Variants in INTS4 observed in about 807,000 individuals in gnomAD.
INTS4 encodes the protein integrator complex subunit 4.
In INTS4, 70 loss-of-function variants were observed where a neutral mutation model predicts 119.5. That is an observed-to-expected ratio of 0.59 (90% CI 0.48 to 0.71). The LOEUF is 0.71. Ranked by LOEUF, INTS4 falls within the 30% of genes least tolerant of loss-of-function variation. The pLI, the probability that INTS4 is intolerant of heterozygous loss-of-function variation, is 0.00. For synonymous variants in INTS4, 316 were observed against 419.6 expected (o/e 0.75, Z 3.02); for missense variants, 867 against 1,173.2 (o/e 0.74, Z 3.81).
chr11:77,896,589 T>C (rs1212947617), intron 18 of INTS4, among the ~76,000 whole-genome samples: 4 of 146,698 alleles, frequency 2.7e-5, no homozygotes, highest in Admixed American at 2.7e-4. Context: ...GAGGTGGAGG[T>C]TGTGGGGAGC....
intron 4 of INTS4, among the ~76,000 whole-genome samples, chr11:77,966,794 T>A (rs1413518114): frequency 6.6e-6 from 1 of 152,178 alleles, no homozygotes; most frequent in Non-Finnish European, 1.5e-5. Flanking sequence ...CTTTAAAGAT[T>A]TTTTTTCTAT....
chr11:77,887,416 G>A (rs1952060460), intron 21 of INTS4, among the ~76,000 whole-genome samples: 1 of 152,122 alleles, frequency 6.6e-6, no homozygotes, highest in South Asian at 2.1e-4. Flanking sequence ...TTGATGAGAC[G>A]TATCTCAAAA....
intron 8 of INTS4, among the ~76,000 whole-genome samples, chr11:77,955,645 G>A (rs182896676): frequency 0.012 from 1,806 of 152,142 alleles, 30 homozygotes; most frequent in African/African-American, 0.04. Context: ...ACAGGCGTGC[G>A]CCACCATGCC....
chr11:77,993,392 G>A (rs1214783886), intron 1 of INTS4, among the ~76,000 whole-genome samples: 1 of 152,178 alleles, frequency 6.6e-6, no homozygotes, highest in Non-Finnish European at 1.5e-5. Flanking sequence ...AGGGAAGAAT[G>A]GCATGTATTC....
chr11:77,889,815 A>G (rs1952185009), intron 21 of INTS4, among the ~76,000 whole-genome samples: 1 of 152,184 alleles, frequency 6.6e-6, no homozygotes, highest in South Asian at 2.1e-4. Context: ...TAAGGTATCT[A>G]AAAGGTTTAG....
intron 15 of INTS4, chr11:77,911,012 G>C: frequency 7.8e-7 from 1 of 1,289,036 alleles, no homozygotes; most frequent in Non-Finnish European, 1.0e-6. Flanking sequence ...TTTCAGGGCC[G>C]GCATAACACA....
At chr11:77,990,651 A>T (rs537772707) in intron 2 of INTS4, among the ~76,000 whole-genome samples, 3 of 143,672 alleles carry the variant, frequency 2.1e-5, no homozygotes, top group Non-Finnish European at 4.5e-5. Context: ...GCACTACTGC[A>T]CTCCAGCATG....
At chr11:77,957,766 T>C (rs1954368116) in intron 7 of INTS4, among the ~76,000 whole-genome samples, 1 of 150,242 alleles carries the variant, frequency 6.7e-6, no homozygotes, top group Non-Finnish European at 1.5e-5. Context: ...CTTCCCAGGT[T>C]CAAGCGATTC....
Position 77,933,692 on chromosome 11 carries a change from G to C in INTS4, c.1165+4959C>G, listed in dbSNP as rs367901241. Among the ~76,000 whole-genome samples the C allele has an allele frequency of 1.2e-3, 185 of 151,950 alleles. 6 individuals are homozygous for C. The South Asian group carries it at 0.037, about 30-fold the overall frequency. The stretch of plus-strand genomic sequence containing the variant: ...GTCTCTGCCTGGCCGCCCATCATCT[G>C]GGATGTGAGGAGCCCCTCTGCCCTG... On this transcript the variant is annotated intron_variant, in intron 10 of 22. Coordinates refer to ENST00000534064, the MANE Select transcript of INTS4 (RefSeq NM_033547.4).
At chr11:77,927,794 T>C (rs1481421738) in intron 11 of INTS4, among the ~76,000 whole-genome samples, 4 of 152,214 alleles carry the variant, frequency 2.6e-5, no homozygotes, top group Non-Finnish European at 4.4e-5. Flanking sequence ...ACCTTATCTA[T>C]AGCCACGTCC....
intron 4 of INTS4, among the ~76,000 whole-genome samples, chr11:77,969,715 C>T (rs1254998181): frequency 6.6e-6 from 1 of 151,502 alleles, no homozygotes; most frequent in East Asian, 1.9e-4. Flanking sequence ...GCACAACCAT[C>T]ACCACAGTCA....
At chr11:77,882,784 A>C (rs1951842975) in intron 22 of INTS4, among the ~76,000 whole-genome samples, 1 of 152,154 alleles carries the variant, frequency 6.6e-6, no homozygotes, top group African/African-American at 2.4e-5. Flanking sequence ...GAAACCATTA[A>C]TAAAGGCCCA....
At chr11:77,945,238 C>A (rs540486989) in intron 8 of INTS4, among the ~76,000 whole-genome samples, 29 of 152,314 alleles carry the variant, frequency 1.9e-4, no homozygotes, top group Non-Finnish European at 4.1e-4. Context: ...CCACAGGCAC[C>A]AGCAATTCTT....
chr11:77,948,654 C>CAAAAAAA (rs138277574), intron 8 of INTS4, among the ~76,000 whole-genome samples: 3 of 91,378 alleles, frequency 3.3e-5, no homozygotes, highest in Non-Finnish European at 6.8e-5. Flanking sequence ...CTCAAAGAAA[C>CAAAAAAA]AAAAAAAAAA....
chr11:77,979,342 G>A (rs1174382959), intron 3 of INTS4, among the ~76,000 whole-genome samples: 1 of 152,040 alleles, frequency 6.6e-6, no homozygotes. Flanking sequence ...CAGCCAGGTG[G>A]TGTGCGCCCA....
At chr11:77,890,884 A>G (rs1481885704) in intron 21 of INTS4, among the ~76,000 whole-genome samples, 1 of 152,200 alleles carries the variant, frequency 6.6e-6, no homozygotes, top group African/African-American at 2.4e-5. Flanking sequence ...TTGGGAAAGA[A>G]TATTTCCTAG....
At position 77,955,652 on chromosome 11, in the gene INTS4, T is replaced by C. The variant is rs577619215; in HGVS notation, c.918+290A>G. Among the ~76,000 whole-genome samples, 201 of 152,252 alleles carry C rather than the reference T, an allele frequency of 1.3e-3. 1 individual carries two copies. Among genetic ancestry groups the C allele is most frequent in the Non-Finnish European group, 2.0e-3 (139 of 68,004 alleles). On this transcript the variant is annotated intron_variant, in intron 8 of 22. Coordinates refer to ENST00000534064, the MANE Select transcript of INTS4 (RefSeq NM_033547.4). ...CTGGGATTACAGGCGTGCGCCACCA[T>C]GCCCAGCTAATTTTTGTATTTTTAG... is the stretch of plus-strand genomic sequence containing the variant.
chr11:77,924,670 A>G, intron 12 of INTS4, 80 bp downstream of exon 12: 1 of 1,364,468 alleles, frequency 7.3e-7, no homozygotes, highest in East Asian at 2.3e-5. Flanking sequence ...TCCTCAATCT[A>G]TAAGGACGGA....
chr11:77,908,079 A>T (rs1953004445), intron 15 of INTS4, among the ~76,000 whole-genome samples: 1 of 46 alleles, frequency 0.022, no homozygotes, highest in African/African-American at 0.17. Context: ...CTTTACACTG[A>T]AAAGTATACT....
Sources: allele counts gnomAD v4.1 joint callset (sites outside exome capture counted in the v4.1 genomes callset), GRCh38; gene constraint gnomAD v4.1.1; transcripts MANE v1.5; gene names NCBI Gene and HGNC (gene_info 2026-07-23, HGNC 2026-07-21).